Variants in PLB1 observed in about 807,000 individuals in gnomAD.
PLB1 encodes phospholipase B1, also known as phospholipase B1, membrane-associated.
Under a neutral mutation model 227.4 loss-of-function variants are expected in PLB1, and 242 were observed. The observed-to-expected ratio is 1.06, with a 90% CI of 0.96 to 1.18. The LOEUF (loss-of-function observed/expected upper bound fraction) is 1.18, where lower values mean the gene tolerates loss of function less well. Ranked by LOEUF, PLB1 falls within the 50% of genes most tolerant of loss-of-function variation. The pLI, the probability that PLB1 is intolerant of heterozygous loss-of-function variation, is 0.00. For missense variants in PLB1, 1,858 were observed against 1,816.3 expected (o/e 1.02, Z -0.42); for synonymous variants, 757 against 682.2 (o/e 1.11, Z -1.71).
At chr2:28,512,705 G>A (rs1422164954) in intron 1 of PLB1, among the ~76,000 whole-genome samples, 3 of 126,196 alleles carry the variant, frequency 2.4e-5, no homozygotes, top group Non-Finnish European at 5.0e-5. Context: ...TTTTTTTGTT[G>A]GCCTGGCATC....
Position 28,643,649 on chromosome 2 carries a change from G to A in PLB1, c.*588G>A, listed in dbSNP as rs1690201747. On this transcript the variant is annotated 3_prime_UTR_variant, in exon 58 of 58. Coordinates refer to ENST00000327757, the MANE Select transcript of PLB1 (RefSeq NM_153021.5). The stretch of plus-strand genomic sequence containing the variant: ...TAACCAAGAAGCCACGTGATGATGT[G>A]TAACTACTAGGGCATCAGTAGGTAA... 6.6e-6 allele frequency: 1 copy of A among 152,260 alleles called. No homozygotes were observed. The highest frequency in any genetic ancestry group is 6.5e-5 in the Admixed American group (1 of 15,294). 9.4% of individuals were successfully genotyped at this position (152,260 alleles called of 1,614,324 possible).
intron 1 of PLB1, among the ~76,000 whole-genome samples, chr2:28,506,584 A>G (rs1043605542): frequency 1.3e-5 from 2 of 152,210 alleles, no homozygotes; most frequent in African/African-American, 2.4e-5. Flanking sequence ...TTTATTTTAC[A>G]TTTACAAAAA....
At chr2:28,521,975 T>C (rs541530472) in intron 4 of PLB1, among the ~76,000 whole-genome samples, 1 of 151,970 alleles carries the variant, frequency 6.6e-6, no homozygotes, top group South Asian at 2.1e-4. Context: ...CCCCTTCCCC[T>C]TGTAGCTGCA....
chr2:28,498,408 A>C lies in PLB1; in HGVS notation c.55+2239A>C, dbSNP rs1380377138. Among the ~76,000 whole-genome samples, 271 of 147,582 alleles carry C rather than the reference A, an allele frequency of 1.8e-3. 4 individuals are homozygous for C. The highest frequency in any genetic ancestry group is 2.4e-3 in the Non-Finnish European group (155 of 65,584). On this transcript the variant is annotated intron_variant, in intron 1 of 57. Transcript: ENST00000327757. ...TAATCAAAATATTGTGTTCAGGCAC[A>C]TGCCACCATGCCTGGCTAATTTTAG...
At position 28,518,495 on chromosome 2, in the gene PLB1, C is replaced by T. The variant is rs1558655191; in HGVS notation, c.147C>T (p.Asn49=). 6.2e-7 allele frequency: 1 copy of T among 1,613,266 alleles called. No homozygotes were observed. Among genetic ancestry groups the T allele is most frequent in the Non-Finnish European group, 8.5e-7 (1 of 1,179,228 alleles). Reference sequence around the variant, plus strand: ...TGAAGAATTCTCCATTCCCATGCAACCCAAATAAATTAGGAGTGAATATGC... The same window carrying T: ...TGAAGAATTCTCCATTCCCATGCAATCCAAATAAATTAGGAGTGAATATGC... ...ETLKNSPFPC[N]PNKLGVNMPS... The change falls in exon 3 of 58, where the codon AAC becomes AAT. Residue 49 remains asparagine, a synonymous_variant. Coordinates refer to ENST00000327757, the MANE Select transcript of PLB1 (RefSeq NM_153021.5).
chr2:28,601,941 G>A lies in PLB1; in HGVS notation c.2650G>A (p.Ala884Thr). ...CAACTTTGTTCACCATCTCCGCAAT[G>A]CCTTGGACGTCCTGCATAGAGAGGT... ...AANFVHHLRN[A>T]LDVLHREVPR... The change falls in exon 38 of 58, where the codon GCC becomes ACC. Residue 884 changes from alanine (A) to threonine (T), a missense_variant. Coordinates refer to ENST00000327757, the MANE Select transcript of PLB1 (RefSeq NM_153021.5). 1 of 1,611,646 alleles carries A rather than the reference G, an allele frequency of 6.2e-7. No individual in the cohort carries two copies. The highest frequency in any genetic ancestry group is 1.1e-5 in the South Asian group (1 of 91,018).
At chr2:28,579,819 T>A in intron 23 of PLB1, 112 bp downstream of exon 23, 1 of 899,242 alleles carries the variant, frequency 1.1e-6, no homozygotes, top group Non-Finnish European at 1.8e-6. Flanking sequence ...AGGCTCATGG[T>A]TTGTCTTGGA....
At chr2:28,573,153 G>A in intron 20 of PLB1, 44 bp from the exon 21 acceptor site, 1 of 1,465,422 alleles carries the variant, frequency 6.8e-7, no homozygotes, top group South Asian at 1.1e-5. Context: ...TTTGAAGATT[G>A]CTTTGCAGTA....
chr2:28,550,130 G>A, intron 16 of PLB1, 46 bp downstream of exon 16: 1 of 1,447,762 alleles, frequency 6.9e-7, no homozygotes, highest in South Asian at 1.2e-5. Context: ...GATGAACCAG[G>A]GGCTGTACTT....
chr2:28,556,416 T>A (rs768217909), intron 17 of PLB1, among the ~76,000 whole-genome samples: 10 of 152,206 alleles, frequency 6.6e-5, no homozygotes, highest in Non-Finnish European at 1.5e-4. Flanking sequence ...AGTGATTTTT[T>A]ATAATCAGTT....
intron 16 of PLB1, among the ~76,000 whole-genome samples, chr2:28,551,594 C>T (rs1163562264): frequency 6.6e-6 from 1 of 152,196 alleles, no homozygotes; most frequent in African/African-American, 2.4e-5. Context: ...TGAGCATACA[C>T]CTGAGACGCA....
At chr2:28,524,615 G>A (rs1669975107) in intron 4 of PLB1, among the ~76,000 whole-genome samples, 1 of 152,124 alleles carries the variant, frequency 6.6e-6, no homozygotes, top group African/African-American at 2.4e-5. Context: ...ATGTCTAGTA[G>A]GGGGAGAGTT....
Position 28,592,859 on chromosome 2 carries a change from C to T in PLB1, c.2247+140C>T, listed in dbSNP as rs190924555. ...TGGCTCTGTCAATCCAAGAGCATGCCAGTTATTTGATTTGCGGCCACTTTC... is the reference window on the plus strand; with the variant it reads ...TGGCTCTGTCAATCCAAGAGCATGCTAGTTATTTGATTTGCGGCCACTTTC... On this transcript the variant is annotated intron_variant, in intron 32 of 57. Coordinates refer to ENST00000327757, the MANE Select transcript of PLB1 (RefSeq NM_153021.5). The T allele has an allele frequency of 4.8e-3, 3,425 of 709,674 alleles. 16 individuals are homozygous for T. Among genetic ancestry groups the T allele is most frequent in the Non-Finnish European group, 5.8e-3 (2,540 of 437,098 alleles). 44.0% of individuals were successfully genotyped at this position (709,674 alleles called of 1,614,324 possible). A position where few individuals can be genotyped will look rare whatever the true frequency, so the allele number is the denominator to read the frequency against.
intron 52 of PLB1, 45 bp downstream of exon 52, chr2:28,628,673 C>T (rs1306925044): frequency 1.3e-6 from 2 of 1,579,018 alleles, no homozygotes; most frequent in African/African-American, 1.3e-5. Flanking sequence ...AGCCACCTCC[C>T]TGGGATGCAT....
Position 28,626,521 on chromosome 2 carries a change from C to T in PLB1, c.3660+13C>T, listed in dbSNP as rs944214344. On this transcript the variant is annotated intron_variant, in intron 51 of 57. Transcript: ENST00000327757. ...CTGTGAGAATCCGGTAGGCCCCCGACCAACCCCATGGGGACCTGAGAAGGA... is the reference window on the plus strand; with the variant it reads ...CTGTGAGAATCCGGTAGGCCCCCGATCAACCCCATGGGGACCTGAGAAGGA... The T allele has an allele frequency of 1.2e-6, 2 of 1,611,182 alleles. No individual in the cohort carries two copies. Among genetic ancestry groups the T allele is most frequent in the East Asian group, 2.2e-5 (1 of 44,850 alleles).
intron 49 of PLB1, among the ~76,000 whole-genome samples, chr2:28,624,219 C>G (rs1005480118): frequency 9.2e-5 from 14 of 152,222 alleles, no homozygotes; most frequent in African/African-American, 3.4e-4. Flanking sequence ...CTGCTCCTTC[C>G]TGTCCCTACC....
At chr2:28,624,890 G>A (rs1035173418) in intron 49 of PLB1, among the ~76,000 whole-genome samples, 167 bp from the exon 50 acceptor site, 2 of 152,176 alleles carry the variant, frequency 1.3e-5, no homozygotes, top group Non-Finnish European at 2.9e-5. Context: ...CAGGGTCCAG[G>A]GCAGCCATGT....
chr2:28,559,816 A>G (rs1004200022), intron 17 of PLB1, among the ~76,000 whole-genome samples: 10 of 129,548 alleles, frequency 7.7e-5, no homozygotes, highest in African/African-American at 6.0e-5. Context: ...CAGTGGCGCA[A>G]TCTCGGCTCA....
chr2:28,507,370 G>A (rs917417638), intron 1 of PLB1, among the ~76,000 whole-genome samples: 1 of 152,172 alleles, frequency 6.6e-6, no homozygotes, highest in East Asian at 1.9e-4. Flanking sequence ...CTGGCATCTG[G>A]TGAGGGCCCT....
Sources: gnomAD v4.1 joint callset for allele counts (sites outside exome capture counted in the v4.1 genomes callset) on GRCh38, gnomAD v4.1.1 for gene constraint, MANE v1.5 for transcripts, NCBI Gene and HGNC (gene_info 2026-07-23, HGNC 2026-07-21) for gene names.